Variants in EPM2A observed in about 807,000 individuals in gnomAD.
The protein encoded by EPM2A is EPM2A glucan phosphatase, laforin.
A neutral mutation model predicts 26.5 loss-of-function variants in EPM2A; 21 were observed. The observed-to-expected ratio is 0.79, with a 90% CI of 0.56 to 1.14. EPM2A has a LOEUF of 1.14. Among genes scored for constraint, EPM2A ranks in the 50% most tolerant of loss-of-function variants. EPM2A has a pLI of 0.00. For synonymous variants in EPM2A, 217 were observed against 177.6 expected, an observed-to-expected ratio of 1.22 and a Z score of -1.76; for missense variants, 458 against 440.8, an observed-to-expected ratio of 1.04 and a Z score of -0.35.
intron 2 of EPM2A, among the ~76,000 whole-genome samples, chr6:145,571,266 C>T (rs1280275): frequency 0.43 from 65,222 of 151,850 alleles, 14,566 homozygotes; most frequent in African/African-American, 0.52. Context: ...AATATAGTCA[C>T]GTAGTTGATG....
At chr6:145,617,968 C>A (rs1191831604) in intron 2 of EPM2A, among the ~76,000 whole-genome samples, 2 of 152,092 alleles carry the variant, frequency 1.3e-5, no homozygotes, top group African/African-American at 4.8e-5. Context: ...AATTAAAAAA[C>A]ATAATAAAAT....
At chr6:145,456,034 A>AT (rs957112942) in intron 4 of EPM2A, among the ~76,000 whole-genome samples, 4 of 152,142 alleles carry the variant, frequency 2.6e-5, no homozygotes, top group Admixed American at 2.6e-4. Context: ...AATTACTGCG[A>AT]TTTTTTAATT....
intron 4 of EPM2A, among the ~76,000 whole-genome samples, chr6:145,448,383 AG>A (rs374843306): frequency 1.7e-3 from 253 of 152,260 alleles, no homozygotes; most frequent in African/African-American, 5.7e-3. Flanking sequence ...AAGAGAATTT[AG>A]GGAACCATTG....
chr6:145,648,436 T>C (rs190395974), intron 2 of EPM2A, among the ~76,000 whole-genome samples: 12 of 152,342 alleles, frequency 7.9e-5, no homozygotes, highest in Admixed American at 5.9e-4. Context: ...CATTCATGCT[T>C]GGAGTATACT....
chr6:145,466,998 C>T (rs1049845784), intron 4 of EPM2A, among the ~76,000 whole-genome samples: 14 of 152,036 alleles, frequency 9.2e-5, no homozygotes, highest in East Asian at 3.9e-4. Context: ...TCTTGTGGGG[C>T]GGTGGGAGTG....
chr6:145,711,731 A>G (rs1775339756), intron 1 of EPM2A, among the ~76,000 whole-genome samples: 1 of 152,156 alleles, frequency 6.6e-6, no homozygotes, highest in Non-Finnish European at 1.5e-5. Flanking sequence ...AATGTTTTTT[A>G]GAAAAGTTGA....
chr6:145,418,606 C>A (rs1778739644), intron 4 of EPM2A, among the ~76,000 whole-genome samples: 1 of 152,204 alleles, frequency 6.6e-6, no homozygotes, highest in African/African-American at 2.4e-5. Context: ...TTCTTCCTTC[C>A]TTGGGTAACA....
intron 2 of EPM2A, among the ~76,000 whole-genome samples, chr6:145,656,017 T>C (rs1331900960): frequency 1.3e-5 from 2 of 152,152 alleles, no homozygotes; most frequent in Non-Finnish European, 2.9e-5. Context: ...TTCTGCAAGA[T>C]TTGAAACGGA....
intron 4 of EPM2A, among the ~76,000 whole-genome samples, chr6:145,455,523 A>G: frequency 6.6e-6 from 1 of 152,054 alleles, no homozygotes; most frequent in East Asian, 1.9e-4. Context: ...ACACCCAGCT[A>G]ATTTTTGTAT....
At chr6:145,579,042 C>A (rs1415768073) in intron 2 of EPM2A, among the ~76,000 whole-genome samples, 1 of 151,916 alleles carries the variant, frequency 6.6e-6, no homozygotes, top group East Asian at 1.9e-4. Flanking sequence ...AGGAGATATA[C>A]CTAATGTTAA....
At chr6:145,502,404 G>T (rs1013794871) in intron 3 of EPM2A, 8 of 402,554 alleles carry the variant, frequency 2.0e-5, no homozygotes, top group Non-Finnish European at 4.0e-5. Flanking sequence ...CTCGAAGTGA[G>T]CCATAGAGCA....
intron 4 of EPM2A, among the ~76,000 whole-genome samples, chr6:145,400,211 A>G (rs543972241): frequency 6.6e-6 from 1 of 152,204 alleles, no homozygotes; most frequent in South Asian, 2.1e-4. Flanking sequence ...AAGTTTGGGC[A>G]TTGATGCTGA....
intron 2 of EPM2A, among the ~76,000 whole-genome samples, chr6:145,533,944 A>G: frequency 6.6e-6 from 1 of 152,164 alleles, no homozygotes; most frequent in East Asian, 1.9e-4. Context: ...AGATCACAGT[A>G]TGAGATTTGA....
At chr6:145,528,053 C>T (rs1288083841) in intron 2 of EPM2A, among the ~76,000 whole-genome samples, 1 of 152,068 alleles carries the variant, frequency 6.6e-6, no homozygotes, top group Non-Finnish European at 1.5e-5. Context: ...AAGCCTAATC[C>T]AGAGCAAGAC....
At chr6:145,417,114 T>C (rs1348668737) in intron 4 of EPM2A, among the ~76,000 whole-genome samples, 1 of 152,162 alleles carries the variant, frequency 6.6e-6, no homozygotes, top group Admixed American at 6.5e-5. Flanking sequence ...GGAAGCTCGT[T>C]ATGCTGGGTG....
In EPM2A at chr6:145,626,154, A is replaced by T. The variant is rs1328575897; in HGVS notation, c.*1262T>A. 1 of 1,017,262 alleles carries T rather than the reference A, an allele frequency of 9.8e-7. No individual in the cohort carries two copies. The highest frequency in any genetic ancestry group is 9.2e-5 in the East Asian group (1 of 10,910). The allele number at this position is 1,017,262 out of a possible 1,614,324, so 63.0% of individuals were successfully genotyped here. On this transcript the variant is annotated 3_prime_UTR_variant, in exon 4 of 4. Transcript: ENST00000367519. ...ACACTTCTCTTTCTTCTATTCTAGC[A>T]TATCATTCATGGTCCAATCCTGCAT...
intron 4 of EPM2A, among the ~76,000 whole-genome samples, chr6:145,403,717 C>A (rs1037277269): frequency 2.6e-5 from 4 of 152,086 alleles, no homozygotes; most frequent in Admixed American, 1.3e-4. Flanking sequence ...AACAGTGTTG[C>A]AACAAACAGG....
chr6:145,598,856 A>G (rs910527470), intron 2 of EPM2A, among the ~76,000 whole-genome samples: 8 of 152,196 alleles, frequency 5.3e-5, no homozygotes, highest in Admixed American at 1.3e-4. Context: ...AATTTATTGA[A>G]TAGTAAATCC....
rs1775925777 is a variant in EPM2A, at chr6:145,627,666, A to G, written c.746T>C (p.Val249Ala). The G allele has an allele frequency of 6.2e-7, 1 of 1,614,146 alleles. No individual in the cohort carries two copies. Among genetic ancestry groups the G allele is most frequent in the South Asian group, 1.1e-5 (1 of 91,086 alleles). The change falls in exon 4 of 4, where the codon GTG (valine) becomes GCG (alanine). Residue 249 changes from valine to alanine, a missense_variant. Transcript: ENST00000367519. ...EGRVQMLPQA[V>A]CLLHALLEKG... ...CTCCAGCAGCGCATGCAGCAGGCAC[A>G]CCGCCTGGGGCAGCATCTGTACTCG...
Sources: gnomAD v4.1 joint callset for allele counts (sites outside exome capture counted in the v4.1 genomes callset) on GRCh38, gnomAD v4.1.1 for gene constraint, MANE v1.5 for transcripts, NCBI Gene and HGNC (gene_info 2026-07-23, HGNC 2026-07-21) for gene names.